The following KCNMA1 variants were observed in gnomAD, a reference collection of about 807,000 sequenced individuals.
The protein encoded by KCNMA1 is potassium calcium-activated channel subfamily M alpha 1, also known as Calcium-activated potassium channel subunit alpha-1.
In KCNMA1, 29 loss-of-function variants were observed where a neutral mutation model predicts 140.0. The ratio of observed to expected loss-of-function variants is 0.21; its 90% CI spans 0.15 to 0.28. The LOEUF (loss-of-function observed/expected upper bound fraction) is 0.28, where lower values mean the gene tolerates loss of function less well. Among genes scored for constraint, KCNMA1 ranks in the 10% least tolerant of loss-of-function variants. The probability of loss-of-function intolerance (pLI) is 1.00; values close to 1 mark genes in which losing one functional copy is unlikely to be tolerated. For synonymous variants in KCNMA1, 612 were observed against 611.9 expected (o/e 1.00, Z 0.00); for missense variants, 880 against 1,602.2 (o/e 0.55, Z 7.70).
chr10:77,544,334 C>G (rs776563806), intron 1 of KCNMA1, among the ~76,000 whole-genome samples: 6 of 151,776 alleles, frequency 4.0e-5, no homozygotes, highest in Non-Finnish European at 7.4e-5. Flanking sequence ...GAAAAAATTC[C>G]CAAGTGGTTG....
chr10:77,056,936 A>G (rs566216536), intron 14 of KCNMA1, among the ~76,000 whole-genome samples: 1 of 152,288 alleles, frequency 6.6e-6, no homozygotes, highest in African/African-American at 2.4e-5. Flanking sequence ...GATACATCAG[A>G]AAAAGATTTA....
chr10:77,434,279 A>G (rs1234023783), intron 1 of KCNMA1, among the ~76,000 whole-genome samples: 1 of 152,130 alleles, frequency 6.6e-6, no homozygotes, highest in Non-Finnish European at 1.5e-5. Flanking sequence ...TGAAAATCAG[A>G]CTGCACCAGA....
At chr10:76,873,380 C>T (rs1188878059), downstream of KCNMA1, 1 of 152,172 alleles carries the variant, frequency 6.6e-6, no homozygotes, top group Non-Finnish European at 1.5e-5. Context: ...ATAGCGTCAT[C>T]ACCTCCTCAA....
rs1565619153 is a variant in KCNMA1 at position 77,025,997 on chromosome 10, A to AT, written c.1928+1825_1928+1826insA. Among the ~76,000 whole-genome samples, 377 of 138,036 alleles carry AT rather than the reference A, an allele frequency of 2.7e-3. 4 individuals carry two copies. Among genetic ancestry groups the AT allele is most frequent in the East Asian group, 0.017 (73 of 4,224 alleles). 90.6% of individuals were successfully genotyped at this position (138,036 alleles called of 152,430 possible). ...TTTTGCCCTTTTCTGAAGAAAAAAA[A>AT]AATATATATATATATATATATACTA... On this transcript the variant is annotated intron_variant, in intron 16 of 27. Coordinates refer to ENST00000286628, the MANE Select transcript of KCNMA1 (RefSeq NM_001161352.2).
intron 2 of KCNMA1, among the ~76,000 whole-genome samples, chr10:77,298,162 A>G (rs1047447596): frequency 6.6e-6 from 1 of 152,214 alleles, no homozygotes; most frequent in Non-Finnish European, 1.5e-5. Flanking sequence ...GTCAACAAAA[A>G]GGACTGAGAG....
At chr10:77,219,746 A>G (rs774744725) in intron 3 of KCNMA1, among the ~76,000 whole-genome samples, 7 of 152,106 alleles carry the variant, frequency 4.6e-5, no homozygotes, top group Non-Finnish European at 7.4e-5. Context: ...CAGCCTCCCA[A>G]GTAGCTGGGA....
At chr10:77,280,576 G>C (rs1028258459) in intron 2 of KCNMA1, among the ~76,000 whole-genome samples, 17 of 152,086 alleles carry the variant, frequency 1.1e-4, no homozygotes, top group African/African-American at 3.9e-4. Context: ...GCCCAGACTG[G>C]AGTGCAGTGG....
At chr10:77,146,110 T>C (rs1177361079) in intron 5 of KCNMA1, among the ~76,000 whole-genome samples, 5 of 152,206 alleles carry the variant, frequency 3.3e-5, no homozygotes, top group Non-Finnish European at 7.3e-5. Flanking sequence ...CCTCAAAAAA[T>C]GTACAGTCTT....
rs182385512 is a variant in KCNMA1, at chr10:77,195,812, G to A, written c.603-10896C>T. On this transcript the variant is annotated intron_variant, in intron 3 of 27. Coordinates refer to ENST00000286628, the MANE Select transcript of KCNMA1 (RefSeq NM_001161352.2). ...GAAAATACAAAAATTAGCTGGGAGT[G>A]GTGGTGAACACCTGTAGTCCCAGCT... Among the ~76,000 whole-genome samples the A allele has an allele frequency of 4.9e-4, 74 of 152,172 alleles. No homozygotes were observed. In the East Asian group the frequency reaches 7.4e-3, roughly 15 times the overall value.
intron 17 of KCNMA1, among the ~76,000 whole-genome samples, chr10:77,016,015 C>T (rs1027153226): frequency 6.6e-6 from 1 of 152,160 alleles, no homozygotes; most frequent in Non-Finnish European, 1.5e-5. Flanking sequence ...CCATCAATGA[C>T]TTCCATTTTA....
intron 10 of KCNMA1, 140 bp from the exon 11 acceptor site, chr10:77,086,733 T>C (rs1290301898): frequency 4.3e-6 from 3 of 700,016 alleles, no homozygotes; most frequent in Non-Finnish European, 7.7e-6. Flanking sequence ...TTGCCATAAA[T>C]AAAAGACTCA....
chr10:76,931,708 G>T (rs1289908614), intron 23 of KCNMA1, among the ~76,000 whole-genome samples: 2 of 152,104 alleles, frequency 1.3e-5, no homozygotes, highest in African/African-American at 4.8e-5. Flanking sequence ...TCAGAGAGCA[G>T]CTGCGTTGCA....
At chr10:77,633,399 G>C (rs2093420293) in intron 1 of KCNMA1, among the ~76,000 whole-genome samples, 1 of 152,136 alleles carries the variant, frequency 6.6e-6, no homozygotes. Flanking sequence ...GTCAGCTGGA[G>C]CTCCCCCGTG....
chr10:77,502,764 C>CAAG (rs1197157761), intron 1 of KCNMA1, among the ~76,000 whole-genome samples: 1 of 152,146 alleles, frequency 6.6e-6, no homozygotes, highest in Admixed American at 6.5e-5. Context: ...TGGAAAAGGG[C>CAAG]AATAATAATA....
At chr10:76,922,326 A>G (rs2056147273) in intron 23 of KCNMA1, among the ~76,000 whole-genome samples, 1 of 152,198 alleles carries the variant, frequency 6.6e-6, no homozygotes, top group Non-Finnish European at 1.5e-5. Context: ...GATAGTTGAT[A>G]TCTGCTGTTT....
At chr10:76,920,233 T>C (rs141949456) in intron 23 of KCNMA1, among the ~76,000 whole-genome samples, 91 of 151,252 alleles carry the variant, frequency 6.0e-4, no homozygotes, top group African/African-American at 2.1e-3. Context: ...ACTCTAGACC[T>C]AAACTGGTTA....
chr10:77,025,326 GATTATATA>G, intron 16 of KCNMA1: 1 of 567,938 alleles, frequency 1.8e-6, no homozygotes, highest in Non-Finnish European at 3.1e-6. Flanking sequence ...AAGGGAATGA[GATTATATA>G]TACATATATA....
At chr10:77,518,691 T>C (rs116549605) in intron 1 of KCNMA1, among the ~76,000 whole-genome samples, 160 of 152,340 alleles carry the variant, frequency 1.1e-3, no homozygotes, top group African/African-American at 3.7e-3. Context: ...CGTTTCTTCA[T>C]GACTTAGAGC....
At chr10:77,567,365 G>C (rs1481698076) in intron 1 of KCNMA1, among the ~76,000 whole-genome samples, 1 of 152,196 alleles carries the variant, frequency 6.6e-6, no homozygotes, top group Non-Finnish European at 1.5e-5. Flanking sequence ...GTCCAAGACT[G>C]ACCTTCTGGC....
Sources: allele counts gnomAD v4.1 joint callset (sites outside exome capture counted in the v4.1 genomes callset), GRCh38; gene constraint gnomAD v4.1.1; transcripts MANE v1.5; gene names NCBI Gene and HGNC (gene_info 2026-07-23, HGNC 2026-07-21).